The following CACNA1A variants were observed in gnomAD, a reference collection of about 807,000 sequenced individuals.
CACNA1A encodes voltage-dependent P/Q-type calcium channel subunit alpha-1A.
In CACNA1A, 57 loss-of-function variants were observed where a neutral mutation model predicts 262.4. That is an observed-to-expected ratio of 0.22 (90% CI 0.18 to 0.27). CACNA1A has a LOEUF of 0.27. Ranked by LOEUF, CACNA1A falls within the 10% of genes least tolerant of loss-of-function variation. CACNA1A has a pLI of 1.00. For missense variants in CACNA1A, 2,526 were observed against 3,562.8 expected (o/e 0.71, Z 7.41); for synonymous variants, 1,431 against 1,419.3 (o/e 1.01, Z -0.18).
intron 3 of CACNA1A, among the ~76,000 whole-genome samples, chr19:13,410,202 A>C (rs1052268336): frequency 1.4e-4 from 21 of 151,498 alleles, no homozygotes; most frequent in African/African-American, 4.6e-4. Context: ...GGTTATTCCT[A>C]TCAGCATAAA....
At chr19:13,223,264 G>A (rs2055304212) in intron 38 of CACNA1A, among the ~76,000 whole-genome samples, 1 of 152,026 alleles carries the variant, frequency 6.6e-6, no homozygotes, top group Non-Finnish European at 1.5e-5. Flanking sequence ...CGTGATCTCG[G>A]CTCACTGCAA....
At chr19:13,222,394 CTTTT>C (rs71168689) in intron 38 of CACNA1A, among the ~76,000 whole-genome samples, 1 of 91,198 alleles carries the variant, frequency 1.1e-5, no homozygotes, top group Non-Finnish European at 2.1e-5. Context: ...GCCTTCTCGG[CTTTT>C]TTTTTTTTTT....
At chr19:13,448,210 C>T (rs780290875) in intron 3 of CACNA1A, among the ~76,000 whole-genome samples, 10 of 151,924 alleles carry the variant, frequency 6.6e-5, no homozygotes, top group Non-Finnish European at 1.3e-4. Context: ...TTTGCAGGAA[C>T]ACGGACGGAG....
At chr19:13,375,536 C>T (rs1381054169) in intron 3 of CACNA1A, among the ~76,000 whole-genome samples, 2 of 152,218 alleles carry the variant, frequency 1.3e-5, no homozygotes, top group East Asian at 1.9e-4. Flanking sequence ...GCCTGTAATC[C>T]GAGCATTTTG....
chr19:13,277,046 T>G lies in CACNA1A; in HGVS notation c.3882+23A>C, dbSNP rs1256193062. 3.2e-6 allele frequency: 5 copies of G among 1,572,184 alleles called. No individual in the cohort carries two copies. In the Admixed American group the frequency reaches 8.4e-5, roughly 26 times the overall value. On this transcript the variant is annotated intron_variant, in intron 23 of 46. Transcript: ENST00000360228. Reference sequence around the variant, plus strand: ...CTTAAAAAAAAAAATTACCGTGTGTTCTCACTTATAATCTGCACTCACCTT... The same window carrying G: ...CTTAAAAAAAAAAATTACCGTGTGTGCTCACTTATAATCTGCACTCACCTT...
intron 22 of CACNA1A, among the ~76,000 whole-genome samples, chr19:13,280,591 CAG>C (rs1471127326): frequency 1.3e-5 from 2 of 152,052 alleles, no homozygotes; most frequent in Non-Finnish European, 2.9e-5. Flanking sequence ...CATCTGTCAA[CAG>C]GGGATGGATA....
chr19:13,247,167 G>A (rs1335283729), intron 30 of CACNA1A, among the ~76,000 whole-genome samples: 1 of 152,224 alleles, frequency 6.6e-6, no homozygotes, highest in Non-Finnish European at 1.5e-5. Flanking sequence ...CAGAGGCCAG[G>A]TCAGGGGTTG....
At chr19:13,208,515 G>T (rs1025647184) in intron 46 of CACNA1A, among the ~76,000 whole-genome samples, 2 of 150,950 alleles carry the variant, frequency 1.3e-5, no homozygotes, top group Non-Finnish European at 3.0e-5. Flanking sequence ...AGCTGCGGGC[G>T]GCGGGGAGGG....
At position 13,207,467 on chromosome 19, in the gene CACNA1A, C is replaced by A. The variant is rs776844615; in HGVS notation, c.7367G>T (p.Arg2456Leu). ...CGAGGCGCAGGCCGGGCCCGAGGCCCGGGGAGTCCTGGGCGAGCGCCCGGT... is the reference window on the plus strand; with the variant it reads ...CGAGGCGCAGGCCGGGCCCGAGGCCAGGGGAGTCCTGGGCGAGCGCCCGGT... ...GATGRSPRTP[R>L]ASGPACASPS... The change falls in exon 47 of 47, where the codon CGG becomes CTG. Residue 2456 changes from arginine (R) to leucine (L), a missense_variant. By Grantham distance (102) the Arg-to-Leu change is moderately radical. Coordinates refer to ENST00000360228, the MANE Select transcript of CACNA1A (RefSeq NM_001127222.2). The surrounding 1 kb of genome is among the most constrained non-coding windows in gnomAD (Gnocchi z 5.7). The A allele has an allele frequency of 2.0e-5, 30 of 1,482,368 alleles. No homozygotes were observed. In the African/African-American group the frequency reaches 4.1e-4, roughly 20 times the overall value. 91.8% of individuals were successfully genotyped at this position (1,482,368 alleles called of 1,614,324 possible).
At chr19:13,264,924 G>A (rs992859678) in intron 24 of CACNA1A, among the ~76,000 whole-genome samples, 1 of 150,044 alleles carries the variant, frequency 6.7e-6, no homozygotes, top group South Asian at 2.1e-4. Flanking sequence ...GCCCAGGCTG[G>A]AGTGCAGTGG....
At chr19:13,247,733 T>TAAATAAATAAAA (rs1160608030) in intron 30 of CACNA1A, among the ~76,000 whole-genome samples, 1 of 151,394 alleles carries the variant, frequency 6.6e-6, no homozygotes, top group African/African-American at 2.4e-5. Flanking sequence ...AATAAATAAA[T>TAAATAAATAAAA]AAATAAATAA....
At chr19:13,287,058 G>C (rs974309724) in intron 19 of CACNA1A, 92 bp from the exon 20 acceptor site, 22 of 1,132,446 alleles carry the variant, frequency 1.9e-5, no homozygotes, top group Non-Finnish European at 2.5e-5. Flanking sequence ...CATCTTTCAA[G>C]AGTACAATTT....
intron 3 of CACNA1A, among the ~76,000 whole-genome samples, chr19:13,424,482 T>G (rs1335839112): frequency 6.6e-6 from 1 of 152,226 alleles, no homozygotes; most frequent in Non-Finnish European, 1.5e-5. Flanking sequence ...TTTTATGTTT[T>G]AGAGGCAGGG....
At chr19:13,467,470 G>A (rs1269009274) in intron 1 of CACNA1A, among the ~76,000 whole-genome samples, 1 of 152,022 alleles carries the variant, frequency 6.6e-6, no homozygotes, top group Non-Finnish European at 1.5e-5. Context: ...GACACAGTGA[G>A]ACCCTATCTT....
rs141444010 is a variant in CACNA1A, at chr19:13,375,735, C to T, written c.540-3956G>A. On this transcript the variant is annotated intron_variant, in intron 3 of 46. Transcript: ENST00000360228. ...CCCAGGAAGTCAAGGCTGCAGTGAG[C>T]GGTGATTGCACCACTGCACTCCAGC... 1.2e-4 allele frequency among the ~76,000 whole-genome samples: 18 copies of T among 152,252 alleles called. 1 individual carries two copies. Among genetic ancestry groups the T allele is most frequent in the African/African-American group, 2.4e-4 (10 of 41,556 alleles).
rs1382670098 is a variant in CACNA1A, at chr19:13,416,688, G to A, written c.539+36188C>T. On this transcript the variant is annotated intron_variant, in intron 3 of 46. Coordinates refer to ENST00000360228, the MANE Select transcript of CACNA1A (RefSeq NM_001127222.2). Reference sequence around the variant, plus strand: ...AAATTAGCTGGGCGTGTTGGCGGGCGCCTGTAATCCCAGCTACTCAGGAGG... The same window carrying A: ...AAATTAGCTGGGCGTGTTGGCGGGCACCTGTAATCCCAGCTACTCAGGAGG... Among the ~76,000 whole-genome samples, 3 of 152,028 alleles carry A rather than the reference G, an allele frequency of 2.0e-5. No homozygotes were observed. In the South Asian group the frequency reaches 6.2e-4, roughly 32 times the overall value.
chr19:13,447,530 G>A (rs1046688558), intron 3 of CACNA1A, among the ~76,000 whole-genome samples: 1 of 152,166 alleles, frequency 6.6e-6, no homozygotes, highest in Non-Finnish European at 1.5e-5. Context: ...ATATGAAAGG[G>A]AGTTTATAAG....
chr19:13,473,815 C>A (rs1307887033), intron 1 of CACNA1A, among the ~76,000 whole-genome samples: 1 of 147,842 alleles, frequency 6.8e-6, no homozygotes, highest in Admixed American at 7.0e-5. Context: ...TCCTTCATTT[C>A]TCTTTACATC....
intron 6 of CACNA1A, among the ~76,000 whole-genome samples, chr19:13,353,175 G>A (rs10404292): frequency 0.17 from 25,902 of 151,672 alleles, 2,385 homozygotes; most frequent in East Asian, 0.3. Context: ...GTGCAGTGGC[G>A]TGATCACGGC....
Sources: gnomAD v4.1 joint callset for allele counts (sites outside exome capture counted in the v4.1 genomes callset) on GRCh38, gnomAD v4.1.1 for gene constraint, Gnocchi (gnomAD v3.1) non-coding constraint, MANE v1.5 for transcripts, NCBI Gene and HGNC (gene_info 2026-07-23, HGNC 2026-07-21) for gene names.